TIMM23: variants seen among roughly 807,000 people sequenced by gnomAD.
TIMM23 encodes mitochondrial import inner membrane translocase subunit Tim23.
A neutral mutation model predicts 30.7 loss-of-function variants in TIMM23; 19 were observed. The ratio of observed to expected loss-of-function variants is 0.62; its 90% CI spans 0.43 to 0.91. TIMM23 has a LOEUF of 0.91. TIMM23 is among the 40% of genes least tolerant of loss of function. The pLI is 0.00. For missense variants in TIMM23, 202 were observed against 269.2 expected (o/e 0.75, Z 1.75); for synonymous variants, 78 against 98.5 (o/e 0.79, Z 1.23).
chr10:45,998,460 T>TA, intron 6 of TIMM23: 2 of 897,144 alleles, frequency 2.2e-6, no homozygotes, highest in Non-Finnish European at 2.7e-6. Context: ...CTTATTTGGT[T>TA]ACTCTGTTCA....
At chr10:45,992,456 T>A (rs1411314769) in intron 6 of TIMM23, 3 of 455,822 alleles carry the variant, frequency 6.6e-6, no homozygotes, top group African/African-American at 6.0e-5. Context: ...AGACTCTCCT[T>A]AGGAGAATTG....
intron 5 of TIMM23, among the ~76,000 whole-genome samples, chr10:45,986,279 G>T (rs1299126521): frequency 1.3e-5 from 2 of 152,124 alleles, no homozygotes; most frequent in Non-Finnish European, 2.9e-5. Context: ...GCTGATGTCT[G>T]CATTCCTCCC....
rs1177393292 is a variant in TIMM23 at position 45,988,747 on chromosome 10, T to C, written c.414T>C (p.Tyr138=). 127 of 1,613,782 alleles carry C rather than the reference T, an allele frequency of 7.9e-5. No homozygotes were observed. The highest frequency in any genetic ancestry group is 6.6e-4 in the Middle Eastern group (4 of 6,078). ...CCATTTCCTCTTTAGCTTTGCTCTATAGTGCATTTGGTGTCATCATTGAGA... is the reference window on the plus strand; with the variant it reads ...CCATTTCCTCTTTAGCTTTGCTCTACAGTGCATTTGGTGTCATCATTGAGA... ...ANTLGSLALL[Y]SAFGVIIEKT... The change falls in exon 6 of 7, where the codon TAT becomes TAC. Residue 138 remains tyrosine, a synonymous_variant. Coordinates refer to ENST00000580018, the MANE Select transcript of TIMM23 (RefSeq NM_006327.4).
At position 45,994,293 on chromosome 10, in the gene TIMM23, T is replaced by C. The variant is rs1426061674; in HGVS notation, c.514+5446T>C. 3.3e-3 allele frequency among the ~76,000 whole-genome samples: 507 copies of C among 152,126 alleles called. 5 individuals are homozygous for C. Among genetic ancestry groups the C allele is most frequent in the Middle Eastern group, 0.014 (4 of 294 alleles). On this transcript the variant is annotated intron_variant, in intron 6 of 6. Transcript: ENST00000580018. Reference sequence around the variant, plus strand: ...GATGGTGGTTGCCATGAGGCAAGATTGCGCCACTGCACTCCAGCCTGGGCA... The same window carrying C: ...GATGGTGGTTGCCATGAGGCAAGATCGCGCCACTGCACTCCAGCCTGGGCA...
intron 6 of TIMM23, among the ~76,000 whole-genome samples, chr10:45,993,795 G>A (rs1474479218): frequency 1.3e-5 from 2 of 152,136 alleles, no homozygotes; most frequent in Admixed American, 1.3e-4. Flanking sequence ...ACTCCAGCCT[G>A]GGCAATAGAG....
chr10:45,989,210 A>T (rs1410782300), intron 6 of TIMM23, among the ~76,000 whole-genome samples: 1 of 152,316 alleles, frequency 6.6e-6, no homozygotes, highest in East Asian at 1.9e-4. Flanking sequence ...GGCACCTCAT[A>T]TAAGTAGAAT....
At chr10:46,001,610 G>A (rs781822656) in intron 6 of TIMM23, among the ~76,000 whole-genome samples, 4 of 152,036 alleles carry the variant, frequency 2.6e-5, no homozygotes, top group Non-Finnish European at 5.9e-5. Flanking sequence ...GAATTGACAG[G>A]CACGGAGCTA....
chr10:45,994,344 A>T (rs1838262824), intron 6 of TIMM23, among the ~76,000 whole-genome samples: 1 of 151,136 alleles, frequency 6.6e-6, no homozygotes, highest in Non-Finnish European at 1.5e-5. Flanking sequence ...GTCTCAAAAA[A>T]ATAAAAATAA....
At chr10:46,002,940 C>T (rs966807801) in intron 6 of TIMM23, among the ~76,000 whole-genome samples, 14 of 151,392 alleles carry the variant, frequency 9.2e-5, no homozygotes, top group Middle Eastern at 3.4e-3. Context: ...TATCCTGCCT[C>T]AGCCTCCAAG....
At chr10:45,991,580 G>A (rs1171213418) in intron 6 of TIMM23, among the ~76,000 whole-genome samples, 3 of 151,944 alleles carry the variant, frequency 2.0e-5, no homozygotes, top group Admixed American at 6.6e-5. Context: ...AGAGAAATCC[G>A]GTTTCCACTA....
At chr10:45,994,626 G>C (rs1207951032) in intron 6 of TIMM23, among the ~76,000 whole-genome samples, 1 of 129,944 alleles carries the variant, frequency 7.7e-6, no homozygotes, top group Admixed American at 8.4e-5. Context: ...GTTTTTTGTA[G>C]AGACGGGGTT....
intron 6 of TIMM23, among the ~76,000 whole-genome samples, chr10:45,996,295 A>G (rs1164908878): frequency 6.9e-6 from 1 of 144,258 alleles, no homozygotes; most frequent in Admixed American, 6.9e-5. Context: ...CTGGGAGGCA[A>G]GGCTTGCAGT....
intron 1 of TIMM23, 151 bp downstream of exon 1, chr10:45,972,881 C>T (rs1318032612): frequency 1.4e-6 from 2 of 1,431,116 alleles, no homozygotes; most frequent in East Asian, 5.0e-5. Context: ...ATCTGCATGG[C>T]TGCTCTTTCA....
intron 6 of TIMM23, among the ~76,000 whole-genome samples, chr10:46,001,834 GT>G (rs1409702807): frequency 6.6e-6 from 1 of 152,126 alleles, no homozygotes; most frequent in Non-Finnish European, 1.5e-5. Flanking sequence ...GCCACATTAC[GT>G]TTGTAAGACT....
chr10:45,975,551 C>G (rs1554912895), intron 2 of TIMM23, 39 bp downstream of exon 2: 1 of 1,611,312 alleles, frequency 6.2e-7, no homozygotes, highest in South Asian at 1.1e-5. Flanking sequence ...CATTATTTTA[C>G]CATTTTAAAA....
intron 2 of TIMM23, among the ~76,000 whole-genome samples, chr10:45,977,002 C>CA (rs1165575156): frequency 1.3e-5 from 2 of 151,458 alleles, no homozygotes; most frequent in East Asian, 1.9e-4. Context: ...AATGAAATTA[C>CA]AAAAAACAGT....
At chr10:45,979,085 A>G (rs1286971854) in intron 2 of TIMM23, among the ~76,000 whole-genome samples, 2 of 152,220 alleles carry the variant, frequency 1.3e-5, no homozygotes, top group African/African-American at 4.8e-5. Flanking sequence ...ATAGGCAAAT[A>G]TATGGACAAG....
At position 45,975,523 on chromosome 10, in the gene TIMM23, G is replaced by A. The variant is rs1395470701; in HGVS notation, c.165+11G>A. ...CGATACCTCGTGCAGGTAAGATTAA[G>A]ATTTTACTAGTTTGGTGCATTATTT... On this transcript the variant is annotated intron_variant, in intron 2 of 6. Coordinates refer to ENST00000580018, the MANE Select transcript of TIMM23 (RefSeq NM_006327.4). 1.9e-6 allele frequency: 3 copies of A among 1,613,304 alleles called. No individual in the cohort carries two copies. The East Asian group carries it at 6.7e-5, about 36-fold the overall frequency.
chr10:45,995,867 G>C (rs1176201848), intron 6 of TIMM23, among the ~76,000 whole-genome samples: 2 of 134,654 alleles, frequency 1.5e-5, no homozygotes, highest in African/African-American at 2.9e-5. Context: ...GAAAAACTTA[G>C]ATTTTACAAT....
Sources: gnomAD v4.1 joint callset for allele counts (sites outside exome capture counted in the v4.1 genomes callset) on GRCh38, gnomAD v4.1.1 for gene constraint, MANE v1.5 for transcripts, NCBI Gene and HGNC (gene_info 2026-07-23, HGNC 2026-07-21) for gene names.